AFF1: variants seen among roughly 807,000 people sequenced by gnomAD.
AFF1 encodes AF4/FMR2 family member 1.
AFF1 carries 48 observed loss-of-function variants against 121.7 expected under a neutral mutation model. That is an observed-to-expected ratio of 0.39 (90% CI 0.31 to 0.50). The LOEUF is 0.50. Among genes scored for constraint, AFF1 ranks in the 20% least tolerant of loss-of-function variants. The pLI is 0.76. For synonymous variants in AFF1, 613 were observed against 563.0 expected, an observed-to-expected ratio of 1.09 and a Z score of -1.26; for missense variants, 1,523 against 1,511.7, an observed-to-expected ratio of 1.01 and a Z score of -0.12.
chr4:86,961,760 T>C (rs1031446114), intron 2 of AFF1, among the ~76,000 whole-genome samples: 1 of 152,114 alleles, frequency 6.6e-6, no homozygotes, highest in African/African-American at 2.4e-5. Context: ...GGTGAGATGA[T>C]GTGTGCTCTC....
At chr4:86,945,319 C>T (rs3109037) in intron 1 of AFF1, among the ~76,000 whole-genome samples, 1 of 111,688 alleles carries the variant, frequency 9.0e-6, no homozygotes, top group Non-Finnish European at 1.7e-5. Context: ...TTTTCTTTTC[C>T]TTTTTTTTTT....
intron 2 of AFF1, among the ~76,000 whole-genome samples, chr4:86,982,848 CAAAAAAAAAAAAAA>C (rs59568294): frequency 1.7e-4 from 9 of 53,808 alleles, no homozygotes; most frequent in East Asian, 1.4e-3. Flanking sequence ...ACTCTGTCTC[CAAAAAAAAAAAAAA>C]AAAAAAAAAA....
intron 5 of AFF1, among the ~76,000 whole-genome samples, 195 bp downstream of exon 5, chr4:87,084,359 C>CA (rs914230175): frequency 8.6e-5 from 13 of 151,944 alleles, no homozygotes; most frequent in Admixed American, 7.2e-4. Context: ...GACAACATAG[C>CA]AAAACCCCGT....
intron 2 of AFF1, among the ~76,000 whole-genome samples, chr4:86,975,140 C>A (rs569017159): frequency 1.3e-5 from 2 of 152,298 alleles, no homozygotes; most frequent in South Asian, 4.1e-4. Flanking sequence ...TTGCTCCTTT[C>A]CCCCAAAAGC....
intron 2 of AFF1, among the ~76,000 whole-genome samples, chr4:86,971,642 T>C (rs1722955406): frequency 1.3e-5 from 2 of 152,252 alleles, no homozygotes; most frequent in African/African-American, 4.8e-5. Context: ...AGCACTATGC[T>C]GCATTCTTTT....
At chr4:87,068,600 C>T (rs1310003412) in intron 4 of AFF1, among the ~76,000 whole-genome samples, 1 of 152,220 alleles carries the variant, frequency 6.6e-6, no homozygotes, top group Non-Finnish European at 1.5e-5. Flanking sequence ...GAACTACGCA[C>T]ATGGTGCTTT....
chr4:86,957,522 A>G (rs944227850), intron 2 of AFF1, among the ~76,000 whole-genome samples: 4 of 152,050 alleles, frequency 2.6e-5, no homozygotes, highest in African/African-American at 9.7e-5. Flanking sequence ...TGGGGCAACT[A>G]GTTCATTTTT....
chr4:87,005,093 C>T (rs373221241), intron 2 of AFF1, among the ~76,000 whole-genome samples: 51 of 152,286 alleles, frequency 3.3e-4, no homozygotes, highest in African/African-American at 1.1e-3. Flanking sequence ...CTGCAACTTC[C>T]ACCTCCCAAG....
intron 11 of AFF1, among the ~76,000 whole-genome samples, chr4:87,108,747 G>A (rs1002079655): frequency 6.6e-6 from 1 of 152,182 alleles, no homozygotes; most frequent in African/African-American, 2.4e-5. Flanking sequence ...TTAGCAAAGG[G>A]CAGGAATGTG....
At chr4:87,119,463 C>T (rs1369629667) in intron 12 of AFF1, among the ~76,000 whole-genome samples, 2 of 151,814 alleles carry the variant, frequency 1.3e-5, no homozygotes, top group Non-Finnish European at 2.9e-5. Context: ...CCCAGCTACT[C>T]GGGAAGCTGT....
At chr4:87,069,710 T>C (rs1721807273) in intron 4 of AFF1, among the ~76,000 whole-genome samples, 2 of 107,740 alleles carry the variant, frequency 1.9e-5, no homozygotes, top group Non-Finnish European at 3.5e-5. Flanking sequence ...AGAGAAAATA[T>C]AACTTGGAGT....
chr4:87,008,950 A>T (rs575628658), intron 2 of AFF1, among the ~76,000 whole-genome samples: 1 of 151,664 alleles, frequency 6.6e-6, no homozygotes, highest in South Asian at 2.1e-4. Flanking sequence ...TCAGACTGCT[A>T]CAGAGGTCCA....
At chr4:86,951,199 C>G (rs951653125) in intron 2 of AFF1, among the ~76,000 whole-genome samples, 2 of 152,100 alleles carry the variant, frequency 1.3e-5, no homozygotes, top group African/African-American at 4.8e-5. Flanking sequence ...CTCTTTTAAG[C>G]GGAACACAGG....
chr4:87,070,471 C>T (rs1302429398), intron 4 of AFF1, among the ~76,000 whole-genome samples: 1 of 152,246 alleles, frequency 6.6e-6, no homozygotes, highest in Non-Finnish European at 1.5e-5. Context: ...ACTTGAATTT[C>T]TGGATCACTT....
intron 2 of AFF1, among the ~76,000 whole-genome samples, chr4:86,994,617 C>T (rs1277840830): frequency 1.3e-5 from 2 of 152,206 alleles, no homozygotes. Flanking sequence ...AGCAAACACT[C>T]CCCTTGATCC....
intron 2 of AFF1, among the ~76,000 whole-genome samples, chr4:86,979,154 G>A (rs972352986): frequency 1.4e-4 from 22 of 152,160 alleles, no homozygotes; most frequent in African/African-American, 5.3e-4. Context: ...CTGGAGTGCA[G>A]TGGCGTGATC....
chr4:86,968,573 G>T (rs1457586395), intron 2 of AFF1, among the ~76,000 whole-genome samples: 1 of 152,220 alleles, frequency 6.6e-6, no homozygotes, highest in Non-Finnish European at 1.5e-5. Flanking sequence ...TTACATAGGG[G>T]TCTTACACTG....
At chr4:86,946,093 G>A (rs73837571) in intron 1 of AFF1, among the ~76,000 whole-genome samples, 1 of 152,026 alleles carries the variant, frequency 6.6e-6, no homozygotes, top group Non-Finnish European at 1.5e-5. Flanking sequence ...GGTGAGACCT[G>A]GGGGGTTGCT....
At chr4:86,962,154 T>C (rs1245954109) in intron 2 of AFF1, among the ~76,000 whole-genome samples, 2 of 149,868 alleles carry the variant, frequency 1.3e-5, no homozygotes, top group African/African-American at 2.5e-5. Context: ...TCTTTTTTTT[T>C]TTTTTTTTTT....
Sources: gnomAD v4.1 joint callset for allele counts (sites outside exome capture counted in the v4.1 genomes callset) on GRCh38, gnomAD v4.1.1 for gene constraint, MANE v1.5 for transcripts, NCBI Gene and HGNC (gene_info 2026-07-23, HGNC 2026-07-21) for gene names.